PCDHGA8: variants seen among roughly 807,000 people sequenced by gnomAD.
The protein encoded by PCDHGA8 is protocadherin gamma-A8.
A neutral mutation model predicts 59.2 loss-of-function variants in PCDHGA8; 45 were observed. That is an observed-to-expected ratio of 0.76 (90% CI 0.60 to 0.98). PCDHGA8 has a LOEUF of 0.98. PCDHGA8 is among the 50% of genes least tolerant of loss of function. The pLI, the probability that PCDHGA8 is intolerant of heterozygous loss-of-function variation, is 0.00. For missense variants in PCDHGA8, 1,257 were observed against 1,196.2 expected (o/e 1.05, Z -0.75); for synonymous variants, 531 against 519.0 (o/e 1.02, Z -0.32).
intron 1 of PCDHGA8, among the ~76,000 whole-genome samples, chr5:141,425,551 T>C (rs1472337722): frequency 1.3e-5 from 2 of 152,270 alleles, no homozygotes. Context: ...CAGAAACCTC[T>C]TTTATAAGTG....
In PCDHGA8 at chr5:141,431,675, G is replaced by A. The variant is rs778040824; in HGVS notation, c.2424+36438G>A. Reference sequence around the variant, plus strand: ...TTCAGGGACAATATCAACAATAGGGGAGTTGGACCACGAGGAGTCAGGATT... The same window carrying A: ...TTCAGGGACAATATCAACAATAGGGAAGTTGGACCACGAGGAGTCAGGATT... On this transcript the variant is annotated intron_variant, in intron 1 of 3. Coordinates refer to ENST00000398604, the MANE Select transcript of PCDHGA8 (RefSeq NM_032088.2). The surrounding 1 kb of genome is among the most constrained non-coding windows in gnomAD (Gnocchi z 4.8). 5.6e-6 allele frequency: 9 copies of A among 1,614,230 alleles called. No homozygotes were observed. Among genetic ancestry groups the A allele is most frequent in the Admixed American group, 1.7e-5 (1 of 60,028 alleles).
chr5:141,421,468 C>A (rs759548375), intron 1 of PCDHGA8: 9 of 1,614,096 alleles, frequency 5.6e-6, no homozygotes, highest in Non-Finnish European at 5.9e-6. Flanking sequence ...TGTGAATCCG[C>A]GAAGCGGCAG....
At chr5:141,426,879 G>C (rs1222564201) in intron 1 of PCDHGA8, 3 of 456,710 alleles carry the variant, frequency 6.6e-6, no homozygotes, top group Non-Finnish European at 1.3e-5. Context: ...GAAGCCCCTG[G>C]GCCAGGAGCA....
In PCDHGA8 at chr5:141,432,017, A is replaced by G. The variant is rs372826902; in HGVS notation, c.2424+36780A>G. The stretch of plus-strand genomic sequence containing the variant: ...TAGGGAACAGGTTCCTAGCTACAAC[A>G]TCACAGTGACCGCCACTGACCGGGG... On this transcript the variant is annotated intron_variant, in intron 1 of 3. Coordinates refer to ENST00000398604, the MANE Select transcript of PCDHGA8 (RefSeq NM_032088.2). This position sits in a 1 kb window ranked among gnomAD's most constrained non-coding sequence, Gnocchi z 6.0. The G allele has an allele frequency of 6.2e-7, 1 of 1,614,224 alleles. No individual in the cohort carries two copies. Among genetic ancestry groups the G allele is most frequent in the Non-Finnish European group, 8.5e-7 (1 of 1,180,038 alleles).
At position 141,431,754 on chromosome 5, in the gene PCDHGA8, A is replaced by C; in HGVS notation, c.2424+36517A>C. ...AATGCAGGATATTCTGCGCGAGCCA[A>C]AGTCCTGATCACTGTTCTGGACGTG... On this transcript the variant is annotated intron_variant, in intron 1 of 3. Transcript: ENST00000398604. The surrounding 1 kb of genome is among the most constrained non-coding windows in gnomAD (Gnocchi z 4.8). The C allele has an allele frequency of 6.2e-7, 1 of 1,614,208 alleles. No individual in the cohort carries two copies. Among genetic ancestry groups the C allele is most frequent in the Middle Eastern group, 1.6e-4 (1 of 6,062 alleles).
chr5:141,408,506 T>C, intron 1 of PCDHGA8: 2 of 1,614,010 alleles, frequency 1.2e-6, no homozygotes, highest in Non-Finnish European at 1.7e-6. Flanking sequence ...GAGAAGAAGA[T>C]GTGAGTTGCA....
rs1348785166 is a variant in PCDHGA8, at chr5:141,431,381, C to T, written c.2424+36144C>T. On this transcript the variant is annotated intron_variant, in intron 1 of 3. Coordinates refer to ENST00000398604, the MANE Select transcript of PCDHGA8 (RefSeq NM_032088.2). The surrounding 1 kb of genome is among the most constrained non-coding windows in gnomAD (Gnocchi z 4.8). Reference sequence around the variant, plus strand: ...CCTGGACCGCGAAGAAAAGGCTGCTCACCACCTGGTCCTTACGGCCTCCGA... The same window carrying T: ...CCTGGACCGCGAAGAAAAGGCTGCTTACCACCTGGTCCTTACGGCCTCCGA... 1.2e-6 allele frequency: 2 copies of T among 1,613,940 alleles called. No homozygotes were observed. Among genetic ancestry groups the T allele is most frequent in the Non-Finnish European group, 1.7e-6 (2 of 1,180,042 alleles).
intron 1 of PCDHGA8, chr5:141,423,613 GA>G (rs1164845631): frequency 1.9e-6 from 3 of 1,610,782 alleles, no homozygotes; most frequent in Admixed American, 1.7e-5. Context: ...CTTGATAGCT[GA>G]AGACTCAGCT....
chr5:141,438,627 TATATATATACACAC>T (rs1407400493), intron 1 of PCDHGA8, among the ~76,000 whole-genome samples: 2,053 of 47,724 alleles, frequency 0.043, 22 homozygotes, highest in African/African-American at 0.13. Context: ...TATATATATA[TATATATATACACAC>T]ACACACACAC....
At position 141,485,359 on chromosome 5, in the gene PCDHGA8, C is replaced by G. The variant is rs1233826208; in HGVS notation, c.2425-9448C>G. 6.2e-7 allele frequency: 1 copy of G among 1,614,026 alleles called. No individual in the cohort carries two copies. The highest frequency in any genetic ancestry group is 8.5e-7 in the Non-Finnish European group (1 of 1,180,018). On this transcript the variant is annotated intron_variant, in intron 1 of 3. Transcript: ENST00000398604. This position sits in a 1 kb window ranked among gnomAD's most constrained non-coding sequence, Gnocchi z 5.7. ...TGGATACGGACAGTCTGTCAGCTCG[C>G]AGGCTGCAGGTCGCTGGAGAGGTGA...
rs368884524 is a variant in PCDHGA8 at position 141,409,933 on chromosome 5, G to A, written c.2424+14696G>A. On this transcript the variant is annotated intron_variant, in intron 1 of 3. Coordinates refer to ENST00000398604, the MANE Select transcript of PCDHGA8 (RefSeq NM_032088.2). ...CTGACGGCTCCGCGTTCTTCGATAT[G>A]GTACCTCGCTCTGCAGAGCCCGGCT... 50 of 1,613,236 alleles carry A rather than the reference G, an allele frequency of 3.1e-5. No homozygotes were observed. The highest frequency in any genetic ancestry group is 4.1e-5 in the Non-Finnish European group (48 of 1,179,790).
rs1594951324 is a variant in PCDHGA8, at chr5:141,490,871, T to G, written c.2425-3936T>G. 6.2e-7 allele frequency: 1 copy of G among 1,613,918 alleles called. No individual in the cohort carries two copies. The highest frequency in any genetic ancestry group is 8.5e-7 in the Non-Finnish European group (1 of 1,179,944). On this transcript the variant is annotated intron_variant, in intron 1 of 3. Coordinates refer to ENST00000398604, the MANE Select transcript of PCDHGA8 (RefSeq NM_032088.2). This position sits in a 1 kb window ranked among gnomAD's most constrained non-coding sequence, Gnocchi z 5.4. ...GTTCGAGACTCCGGCTCTCCCCCAT[T>G]GCATGCCAACACATCTCTGCATGTG...
rs772328241 is a variant in PCDHGA8 at position 141,491,340 on chromosome 5, C to A, written c.2425-3467C>A. On this transcript the variant is annotated intron_variant, in intron 1 of 3. Coordinates refer to ENST00000398604, the MANE Select transcript of PCDHGA8 (RefSeq NM_032088.2). The surrounding 1 kb of genome is among the most constrained non-coding windows in gnomAD (Gnocchi z 6.9). ...TTTACCTCATTGTGGCTCTAGCGACCGTCAGTCTCTTATCCCTAGTCACCT... is the reference window on the plus strand; with the variant it reads ...TTTACCTCATTGTGGCTCTAGCGACAGTCAGTCTCTTATCCCTAGTCACCT... 4.3e-6 allele frequency: 7 copies of A among 1,614,146 alleles called. No homozygotes were observed. Among genetic ancestry groups the A allele is most frequent in the Non-Finnish European group, 5.9e-6 (7 of 1,180,014 alleles).
rs115990854 is a variant in PCDHGA8 at position 141,433,033 on chromosome 5, C to T, written c.2424+37796C>T. On this transcript the variant is annotated intron_variant, in intron 1 of 3. Coordinates refer to ENST00000398604, the MANE Select transcript of PCDHGA8 (RefSeq NM_032088.2). ...TGCAGACCTATTCCCACGAGGTTTC[C>T]CTCACCACGGACTCGCGGAAGAGTC... The T allele has an allele frequency of 6.4e-3, 10,342 of 1,614,162 alleles. 43 individuals are homozygous for T. The highest frequency in any genetic ancestry group is 8.6e-3 in the Middle Eastern group (52 of 6,062).
At chr5:141,424,055 C>T (rs2096796946) in intron 1 of PCDHGA8, 1 of 1,007,784 alleles carries the variant, frequency 9.9e-7, no homozygotes. Flanking sequence ...TTTTGCTGTG[C>T]CTTCACTGAT....
chr5:141,442,348 CTG>C (rs1318031659), intron 1 of PCDHGA8: 1 of 152,378 alleles, frequency 6.6e-6, no homozygotes, highest in Non-Finnish European at 1.5e-5. Context: ...TTCTGGGTAA[CTG>C]TAGCTCTATG....
chr5:141,414,306 T>A lies in PCDHGA8; in HGVS notation c.2424+19069T>A, dbSNP rs778408885. The A allele has an allele frequency of 6.2e-6, 10 of 1,613,584 alleles. No homozygotes were observed. The Admixed American group carries it at 1.2e-4, about 19-fold the overall frequency. Reference sequence around the variant, plus strand: ...TCGTAGCCCTTTTAAATGTGCATGATTTAGACTCTGAGCAGAATGGACAGG... The same window carrying A: ...TCGTAGCCCTTTTAAATGTGCATGAATTAGACTCTGAGCAGAATGGACAGG... On this transcript the variant is annotated intron_variant, in intron 1 of 3. Coordinates refer to ENST00000398604, the MANE Select transcript of PCDHGA8 (RefSeq NM_032088.2).
intron 1 of PCDHGA8, among the ~76,000 whole-genome samples, chr5:141,461,391 G>A (rs1310387476): frequency 1.3e-5 from 2 of 152,058 alleles, no homozygotes; most frequent in East Asian, 1.9e-4. Context: ...GATGATTAGC[G>A]ATGTTGAGCA....
intron 1 of PCDHGA8, among the ~76,000 whole-genome samples, chr5:141,450,829 ATTT>A (rs373424450): frequency 7.4e-6 from 1 of 135,126 alleles, no homozygotes; most frequent in African/African-American, 2.7e-5. Flanking sequence ...TATTATTATT[ATTT>A]TTTTTTTTTT....
Sources: allele counts gnomAD v4.1 joint callset (sites outside exome capture counted in the v4.1 genomes callset), GRCh38; gene constraint gnomAD v4.1.1; non-coding constraint Gnocchi (gnomAD v3.1); transcripts MANE v1.5; gene names NCBI Gene and HGNC (gene_info 2026-07-23, HGNC 2026-07-21).